Variants in BCHE observed in about 807,000 individuals in gnomAD.
BCHE encodes the protein butyrylcholinesterase.
In BCHE, 48 loss-of-function variants were observed where a neutral mutation model predicts 51.3. That is an observed-to-expected ratio of 0.94 (90% CI 0.74 to 1.19). The LOEUF is 1.19. Ranked by LOEUF, BCHE falls within the 50% of genes most tolerant of loss-of-function variation. The pLI, the probability that BCHE is intolerant of heterozygous loss-of-function variation, is 0.00. For synonymous variants in BCHE, 251 were observed against 238.0 expected, an observed-to-expected ratio of 1.05 and a Z score of -0.50; for missense variants, 847 against 708.2, an observed-to-expected ratio of 1.20 and a Z score of -2.23.
intron 2 of BCHE, among the ~76,000 whole-genome samples, chr3:165,792,217 C>T (rs533674191): frequency 5.9e-5 from 9 of 151,892 alleles, no homozygotes; most frequent in African/African-American, 1.7e-4. Flanking sequence ...GTTAGAATAG[C>T]TTTGTACTGA....
intron 1 of BCHE, among the ~76,000 whole-genome samples, chr3:165,834,162 T>C: frequency 6.6e-6 from 1 of 152,094 alleles, no homozygotes; most frequent in African/African-American, 2.4e-5. Context: ...TTTCATTGTT[T>C]ATGTTAAACA....
At chr3:165,781,983 T>C (rs1712723930) in intron 3 of BCHE, among the ~76,000 whole-genome samples, 1 of 152,140 alleles carries the variant, frequency 6.6e-6, no homozygotes, top group Non-Finnish European at 1.5e-5. Context: ...ATTGTTGACC[T>C]GAGTATTCCT....
intron 1 of BCHE, among the ~76,000 whole-genome samples, chr3:165,835,101 C>T (rs1715144695): frequency 6.6e-6 from 1 of 151,666 alleles, no homozygotes. Context: ...TTTTGAGGAA[C>T]TGAGTTTTTG....
intron 1 of BCHE, among the ~76,000 whole-genome samples, chr3:165,831,934 G>C (rs1176283015): frequency 6.6e-6 from 1 of 152,072 alleles, no homozygotes; most frequent in Non-Finnish European, 1.5e-5. Context: ...ATTTGTTATA[G>C]CAATTTGTTA....
intron 2 of BCHE, among the ~76,000 whole-genome samples, chr3:165,821,161 T>G (rs1434076008): frequency 6.6e-6 from 1 of 151,966 alleles, no homozygotes. Context: ...ACTGATATTA[T>G]TTTGATATAT....
intron 2 of BCHE, among the ~76,000 whole-genome samples, chr3:165,828,396 A>C (rs963482868): frequency 6.6e-6 from 1 of 152,114 alleles, no homozygotes. Context: ...AGGTGGAAGA[A>C]TTATAACTTT....
intron 3 of BCHE, among the ~76,000 whole-genome samples, chr3:165,775,143 T>A (rs754421342): frequency 1.3e-5 from 2 of 152,128 alleles, no homozygotes; most frequent in Non-Finnish European, 2.9e-5. Context: ...CTTTGTAAGA[T>A]ATTACTTTGG....
chr3:165,824,478 C>G (rs1288933215), intron 2 of BCHE, among the ~76,000 whole-genome samples: 1 of 151,910 alleles, frequency 6.6e-6, no homozygotes, highest in Non-Finnish European at 1.5e-5. Context: ...GAACTCATCC[C>G]TCTAAGATTT....
intron 1 of BCHE, among the ~76,000 whole-genome samples, chr3:165,834,442 CAG>C (rs1268170964): frequency 3.3e-5 from 5 of 151,858 alleles, no homozygotes; most frequent in Admixed American, 6.6e-5. Context: ...TGTATTGTTG[CAG>C]AGTGTCATAT....
chr3:165,779,283 A>G (rs1431221776), intron 3 of BCHE, among the ~76,000 whole-genome samples: 2 of 152,148 alleles, frequency 1.3e-5, no homozygotes, highest in Non-Finnish European at 2.9e-5. Context: ...TCAAAATAAT[A>G]AGAGCTATTT....
intron 2 of BCHE, among the ~76,000 whole-genome samples, chr3:165,793,633 C>T (rs951469015): frequency 6.6e-6 from 1 of 152,162 alleles, no homozygotes; most frequent in African/African-American, 2.4e-5. Context: ...GAAAATAGTT[C>T]ACAAATGACA....
chr3:165,798,864 T>C lies in BCHE; in HGVS notation c.1518-12553A>G, dbSNP rs1713529103. ...AAGCAGTCTTCTCATGCAGTTTTTC[T>C]AAAACAAAACGAAACAAACAAACAA... On this transcript the variant is annotated intron_variant, in intron 2 of 3. Transcript: ENST00000264381. Among the ~76,000 whole-genome samples, 2 of 151,832 alleles carry C rather than the reference T, an allele frequency of 1.3e-5. 1 individual carries two copies. The highest frequency in any genetic ancestry group is 4.8e-5 in the African/African-American group (2 of 41,346).
intron 1 of BCHE, among the ~76,000 whole-genome samples, chr3:165,833,148 T>G (rs1715052205): frequency 6.6e-6 from 1 of 152,130 alleles, no homozygotes; most frequent in Non-Finnish European, 1.5e-5. Context: ...TTTGGTACAA[T>G]TAGATGTGTG....
intron 2 of BCHE, among the ~76,000 whole-genome samples, chr3:165,803,430 A>C (rs750512868): frequency 1.3e-5 from 2 of 152,290 alleles, no homozygotes; most frequent in South Asian, 2.1e-4. Context: ...TTTAGTATGC[A>C]CTTCTAAAAA....
chr3:165,800,801 G>GT (rs1397801659), intron 2 of BCHE, among the ~76,000 whole-genome samples: 1 of 152,100 alleles, frequency 6.6e-6, no homozygotes, highest in Non-Finnish European at 1.5e-5. Context: ...TGCCAGGAAT[G>GT]TGGGCAATGG....
At chr3:165,807,955 C>T (rs1450890214) in intron 2 of BCHE, among the ~76,000 whole-genome samples, 2 of 151,742 alleles carry the variant, frequency 1.3e-5, no homozygotes, top group African/African-American at 2.4e-5. Context: ...AAACTGACAA[C>T]CTGGTATATT....
intron 2 of BCHE, among the ~76,000 whole-genome samples, chr3:165,818,421 T>C (rs538226884): frequency 6.6e-6 from 1 of 152,190 alleles, no homozygotes; most frequent in East Asian, 1.9e-4. Context: ...GGTACCATAA[T>C]TTAAAATATC....
chr3:165,796,887 A>G (rs1316848699), intron 2 of BCHE, among the ~76,000 whole-genome samples: 2 of 152,060 alleles, frequency 1.3e-5, no homozygotes, highest in Admixed American at 1.3e-4. Flanking sequence ...GATCTCTAAG[A>G]TCTTTAGTAC....
intron 2 of BCHE, among the ~76,000 whole-genome samples, chr3:165,792,408 A>G (rs1369342903): frequency 6.6e-6 from 1 of 152,200 alleles, no homozygotes; most frequent in Non-Finnish European, 1.5e-5. Context: ...ACTTCTGATT[A>G]TATGCTAATA....
Sources: allele counts gnomAD v4.1 joint callset (sites outside exome capture counted in the v4.1 genomes callset), GRCh38; gene constraint gnomAD v4.1.1; transcripts MANE v1.5; gene names NCBI Gene and HGNC (gene_info 2026-07-23, HGNC 2026-07-21).